SPHKAP: variants seen among roughly 807,000 people sequenced by gnomAD.
SPHKAP encodes the protein SPHK1 interactor, AKAP domain containing.
In SPHKAP, 67 loss-of-function variants were observed where a neutral mutation model predicts 137.5. The ratio of observed to expected loss-of-function variants is 0.49; its 90% CI spans 0.40 to 0.60. SPHKAP has a LOEUF of 0.60. Ranked by LOEUF, SPHKAP falls within the 20% of genes least tolerant of loss-of-function variation. SPHKAP has a pLI of 0.00. For synonymous variants in SPHKAP, 813 were observed against 785.3 expected (o/e 1.04, Z -0.59); for missense variants, 2,097 against 2,069.3 (o/e 1.01, Z -0.26).
At chr2:228,030,811 G>C (rs140932157) in intron 3 of SPHKAP, among the ~76,000 whole-genome samples, 2 of 151,860 alleles carry the variant, frequency 1.3e-5, no homozygotes, top group Admixed American at 6.6e-5. Context: ...CTTCTCTAGA[G>C]AAACTAGAAA....
chr2:228,095,062 G>T (rs1330216337), intron 3 of SPHKAP, among the ~76,000 whole-genome samples: 1 of 152,164 alleles, frequency 6.6e-6, no homozygotes, highest in Non-Finnish European at 1.5e-5. Context: ...GGGTGAGGGA[G>T]AAAGTGTGTT....
chr2:228,122,143 T>A (rs551185194), intron 2 of SPHKAP, among the ~76,000 whole-genome samples: 1 of 152,056 alleles, frequency 6.6e-6, no homozygotes, highest in African/African-American at 2.4e-5. Context: ...ACAGATATAT[T>A]TAATACACAA....
rs986538875 is a variant in SPHKAP, at chr2:228,016,302, C to T, written c.4448+104G>A. The T allele has an allele frequency of 5.3e-5, 76 of 1,425,072 alleles. No homozygotes were observed. The Middle Eastern group carries it at 6.8e-4, about 13-fold the overall frequency. 88.3% of individuals were successfully genotyped at this position (1,425,072 alleles called of 1,614,324 possible). A position where few individuals can be genotyped will look rare whatever the true frequency, so the allele number is the denominator to read the frequency against. On this transcript the variant is annotated intron_variant, in intron 7 of 11. Transcript: ENST00000392056. ...TTTTTTTGGTCTTGAAAATTTAGTT[C>T]TTGCACCAATCAAATCCTTTATGTC...
chr2:228,081,087 A>G (rs1254292326), intron 3 of SPHKAP, among the ~76,000 whole-genome samples: 21 of 152,238 alleles, frequency 1.4e-4, no homozygotes, highest in Admixed American at 1.4e-3. Context: ...TGAGTCATGC[A>G]AGAAGCTGCC....
In SPHKAP at chr2:228,029,455, C is replaced by T. The variant is rs11902074; in HGVS notation, c.247-1912G>A. 9.6e-3 allele frequency among the ~76,000 whole-genome samples: 1,459 copies of T among 152,232 alleles called. 32 individuals carry two copies. Among genetic ancestry groups the T allele is most frequent in the African/African-American group, 0.033 (1,387 of 41,532 alleles). ...AGTCCCAAAGAATAGGAGATTTCTTCAAGTTTCATGGACTCACAAGATCCT... is the reference window on the plus strand; with the variant it reads ...AGTCCCAAAGAATAGGAGATTTCTTTAAGTTTCATGGACTCACAAGATCCT... On this transcript the variant is annotated intron_variant, in intron 3 of 11. Transcript: ENST00000392056.
chr2:228,171,546 C>A (rs908937599), intron 1 of SPHKAP, among the ~76,000 whole-genome samples: 12 of 152,234 alleles, frequency 7.9e-5, no homozygotes, highest in African/African-American at 1.7e-4. Flanking sequence ...ATGTCAAATT[C>A]TCCTAAGAAT....
At chr2:228,075,221 T>C (rs1419010971) in intron 3 of SPHKAP, among the ~76,000 whole-genome samples, 1 of 152,232 alleles carries the variant, frequency 6.6e-6, no homozygotes, top group East Asian at 1.9e-4. Context: ...ATTTCTGTTG[T>C]GCCACAAATG....
chr2:228,178,628 C>A (rs1404700588), intron 1 of SPHKAP, among the ~76,000 whole-genome samples: 1 of 151,736 alleles, frequency 6.6e-6, no homozygotes, highest in African/African-American at 2.4e-5. Context: ...CCTCTATCAG[C>A]GATTTTAGAT....
At chr2:228,082,878 CT>C (rs1391072978) in intron 3 of SPHKAP, among the ~76,000 whole-genome samples, 4 of 152,148 alleles carry the variant, frequency 2.6e-5, no homozygotes, top group African/African-American at 9.7e-5. Context: ...AATATCAACT[CT>C]TTTTTTAATT....
intron 1 of SPHKAP, among the ~76,000 whole-genome samples, chr2:228,159,152 A>C (rs1490977103): frequency 6.6e-6 from 1 of 152,174 alleles, no homozygotes; most frequent in African/African-American, 2.4e-5. Context: ...ACCAACTCAG[A>C]CACTGTCCAG....
chr2:228,110,165 G>A (rs924934631), intron 2 of SPHKAP, among the ~76,000 whole-genome samples: 7 of 151,570 alleles, frequency 4.6e-5, no homozygotes, highest in Non-Finnish European at 1.0e-4. Context: ...CATTTCATTC[G>A]TACAACAAAA....
intron 3 of SPHKAP, among the ~76,000 whole-genome samples, chr2:228,076,062 C>T (rs1431854314): frequency 1.3e-5 from 2 of 152,088 alleles, no homozygotes; most frequent in Middle Eastern, 3.2e-3. Flanking sequence ...CTCATGAGGT[C>T]TGATAATTCT....
At chr2:228,013,254 C>T (rs1273641467) in intron 7 of SPHKAP, among the ~76,000 whole-genome samples, 1 of 152,102 alleles carries the variant, frequency 6.6e-6, no homozygotes, top group Non-Finnish European at 1.5e-5. Flanking sequence ...GTAAGATATT[C>T]CTTTTTCTTT....
intron 3 of SPHKAP, among the ~76,000 whole-genome samples, chr2:228,058,157 A>C (rs1290365283): frequency 6.6e-6 from 1 of 152,166 alleles, no homozygotes; most frequent in East Asian, 1.9e-4. Context: ...AAAAGCCTCC[A>C]GTTGACATCC....
At chr2:228,042,304 G>C (rs972050188) in intron 3 of SPHKAP, among the ~76,000 whole-genome samples, 2 of 152,004 alleles carry the variant, frequency 1.3e-5, no homozygotes, top group Non-Finnish European at 2.9e-5. Flanking sequence ...TCAAAATCTC[G>C]GGTTGGGGCC....
intron 3 of SPHKAP, among the ~76,000 whole-genome samples, chr2:228,053,209 C>T (rs1696319177): frequency 6.6e-6 from 1 of 152,084 alleles, no homozygotes; most frequent in Non-Finnish European, 1.5e-5. Context: ...GGCAATCTCC[C>T]TATAAAATCA....
chr2:228,007,158 C>T (rs954873719), intron 7 of SPHKAP, among the ~76,000 whole-genome samples: 1 of 152,138 alleles, frequency 6.6e-6, no homozygotes, highest in African/African-American at 2.4e-5. Context: ...CTTGGAACTG[C>T]TTTTGATCAT....
chr2:228,117,315 T>C (rs554527179), intron 2 of SPHKAP, among the ~76,000 whole-genome samples: 2 of 152,222 alleles, frequency 1.3e-5, no homozygotes, highest in South Asian at 4.1e-4. Context: ...TTAATGAATG[T>C]GTGCTGGAGA....
chr2:228,179,440 A>G (rs1043269373), intron 1 of SPHKAP, among the ~76,000 whole-genome samples: 9 of 152,224 alleles, frequency 5.9e-5, no homozygotes, highest in African/African-American at 1.7e-4. Context: ...ATGGCTTTCA[A>G]TTAAGTCTTA....
Sources: gnomAD v4.1 joint callset for allele counts (sites outside exome capture counted in the v4.1 genomes callset) on GRCh38, gnomAD v4.1.1 for gene constraint, MANE v1.5 for transcripts, NCBI Gene and HGNC (gene_info 2026-07-23, HGNC 2026-07-21) for gene names.